The following ANKRD11 variants were observed in gnomAD, a reference collection of about 807,000 sequenced individuals.
ANKRD11 encodes ankyrin repeat domain-containing protein 11.
ANKRD11 carries 17 observed loss-of-function variants against 195.7 expected under a neutral mutation model. The observed-to-expected ratio is 0.09, with a 90% CI of 0.06 to 0.13. The LOEUF (loss-of-function observed/expected upper bound fraction) is 0.13. Among genes scored for constraint, ANKRD11 ranks in the 10% least tolerant of loss-of-function variants. The pLI, the probability that ANKRD11 is intolerant of heterozygous loss-of-function variation, is 1.00. For synonymous variants in ANKRD11, 1,953 were observed against 1,528.1 expected, an observed-to-expected ratio of 1.28 and a Z score of -6.49; for missense variants, 3,735 against 3,566.1, an observed-to-expected ratio of 1.05 and a Z score of -1.21.
intron 1 of ANKRD11, among the ~76,000 whole-genome samples, chr16:89,471,368 A>C (rs1248732353): frequency 6.6e-6 from 1 of 152,194 alleles, no homozygotes; most frequent in Non-Finnish European, 1.5e-5. Flanking sequence ...TCAGGAATTC[A>C]CGAGACGGCA....
chr16:89,401,785 G>A (rs757351136), intron 2 of ANKRD11, among the ~76,000 whole-genome samples: 7 of 152,142 alleles, frequency 4.6e-5, no homozygotes, highest in Non-Finnish European at 7.4e-5. Context: ...AGCTGTGCAC[G>A]CAGGGAGAAC....
intron 1 of ANKRD11, among the ~76,000 whole-genome samples, chr16:89,472,084 A>T (rs772680862): frequency 4.6e-5 from 7 of 152,152 alleles, no homozygotes; most frequent in Non-Finnish European, 1.0e-4. Flanking sequence ...CAGAAAGAGC[A>T]TCAGGATCAG....
intron 2 of ANKRD11, among the ~76,000 whole-genome samples, chr16:89,410,394 G>A (rs1404017787): frequency 6.6e-6 from 1 of 152,226 alleles, no homozygotes; most frequent in Non-Finnish European, 1.5e-5. Context: ...CAAGGAAATG[G>A]AGATAATAAA....
chr16:89,424,024 T>G (rs2042618267), intron 1 of ANKRD11, among the ~76,000 whole-genome samples: 1 of 150,502 alleles, frequency 6.6e-6, no homozygotes, highest in African/African-American at 2.4e-5. Context: ...CCGGGAAGAT[T>G]GTAACCCCAT....
At chr16:89,289,014 C>T in intron 6 of ANKRD11, 1 of 388,094 alleles carries the variant, frequency 2.6e-6, no homozygotes, top group Non-Finnish European at 4.8e-6. Flanking sequence ...GGCGTATGTG[C>T]CTTTGCAAAA....
intron 6 of ANKRD11, among the ~76,000 whole-genome samples, chr16:89,289,154 C>T (rs1316212379): frequency 6.6e-6 from 1 of 152,218 alleles, no homozygotes; most frequent in Non-Finnish European, 1.5e-5. Context: ...CCACCCCGGG[C>T]AGGCAGCTCC....
In ANKRD11 at chr16:89,490,550, AG is replaced by A; in HGVS notation, c.-451del. 2 of 428,720 alleles carry A rather than the reference AG, an allele frequency of 4.7e-6. No homozygotes were observed. The highest frequency in any genetic ancestry group is 8.2e-6 in the Non-Finnish European group (2 of 243,016). The allele number at this position is 428,720 out of a possible 1,614,324, so 26.6% of individuals were successfully genotyped here. On this transcript the variant is annotated 5_prime_UTR_variant, in exon 1 of 13. Coordinates refer to ENST00000301030, the MANE Select transcript of ANKRD11 (RefSeq NM_013275.6). ...CCCTCGGTCCATCGCGCACCGTCTC[AG>A]GGCGGCCTCTGGCTCCAGGACCCAG...
At chr16:89,342,164 G>C (rs1297814937) in intron 2 of ANKRD11, among the ~76,000 whole-genome samples, 1 of 152,256 alleles carries the variant, frequency 6.6e-6, no homozygotes, top group Non-Finnish European at 1.5e-5. Flanking sequence ...CTTGGCGTCT[G>C]GGCCTCAAAG....
Position 89,280,407 on chromosome 16 carries a change from G to A in ANKRD11, c.6135C>T (p.Pro2045=), listed in dbSNP as rs771427810. ...EDVKDGVDAV[P]AAISTSEAAP... ...CCGCCTCTGAGGTGGAGATGGCGGC[G>A]GGGACGGCGTCCACTCCGTCCTTGA... The change falls in exon 9 of 13, where the codon CCC becomes CCT. Residue 2045 remains proline, a synonymous_variant. Transcript: ENST00000301030. The A allele has an allele frequency of 6.4e-6, 10 of 1,561,894 alleles. No homozygotes were observed. The highest frequency in any genetic ancestry group is 3.7e-5 in the Admixed American group (2 of 54,488).
chr16:89,428,656 G>A (rs975929388), intron 1 of ANKRD11, among the ~76,000 whole-genome samples: 16 of 152,232 alleles, frequency 1.1e-4, no homozygotes, highest in African/African-American at 3.9e-4. Flanking sequence ...AGCACTTTGG[G>A]AGGCCGAAGT....
intron 1 of ANKRD11, chr16:89,418,588 G>T (rs1327426489): frequency 4.9e-6 from 1 of 202,578 alleles, no homozygotes; most frequent in East Asian, 1.3e-4. Context: ...CAACTTAAAG[G>T]TAAATCCAAA....
intron 2 of ANKRD11, among the ~76,000 whole-genome samples, chr16:89,406,335 C>G (rs908469853): frequency 6.6e-6 from 1 of 152,114 alleles, no homozygotes; most frequent in African/African-American, 2.4e-5. Flanking sequence ...CAGGTCACGG[C>G]GGGCACGGGA....
intron 2 of ANKRD11, among the ~76,000 whole-genome samples, chr16:89,415,829 C>CAAACAAAAAAAAAAAAAAAAAA (rs1343927982): frequency 2.5e-5 from 1 of 39,744 alleles, no homozygotes; most frequent in African/African-American, 9.3e-5. Flanking sequence ...GACTCTGTCT[C>CAAACAAAAAAAAAAAAAAAAAA]AAAAAAAAAA....
In ANKRD11 at chr16:89,281,783, G is replaced by A. The variant is rs1597450035; in HGVS notation, c.4759C>T (p.Leu1587=). 1.2e-6 allele frequency: 2 copies of A among 1,613,974 alleles called. No individual in the cohort carries two copies. Among genetic ancestry groups the A allele is most frequent in the East Asian group, 2.2e-5 (1 of 44,856 alleles). ...DLMMTSFERM[L]SQKDLEIEER... is the part of the protein sequence containing the mutation. ...TCGATCTCCAGGTCCTTCTGGGACA[G>A]CATCCTCTCGAAGCTGGTCATCATC... Residue 1587 remains leucine, a synonymous_variant, in exon 9 of 13, where the codon CTG becomes TTG. Transcript: ENST00000301030. The surrounding 1 kb of genome is among the most constrained non-coding windows in gnomAD (Gnocchi z 5.5).
intron 4 of ANKRD11, chr16:89,300,365 G>T: frequency 1.0e-5 from 2 of 200,352 alleles, no homozygotes; most frequent in Non-Finnish European, 1.0e-5. Flanking sequence ...ACACTGAGCT[G>T]AGGCCACTGG....
Position 89,290,731 on chromosome 16 carries a change from G to A in ANKRD11, c.495C>T (p.Asn165=), listed in dbSNP as rs757367490. The part of the protein sequence containing the change: ...SKTKDKVNKR[N]ERGETRLHRA... ...GGTGCAGGCGGGTCTCTCCACGCTC[G>A]TTTCTCTTGTTCACTTTATCTTTGG... Residue 165 remains asparagine, a synonymous_variant, in exon 6 of 13, where the codon AAC becomes AAT. Transcript: ENST00000301030. The A allele has an allele frequency of 1.3e-5, 21 of 1,613,780 alleles. No individual in the cohort carries two copies. Among genetic ancestry groups the A allele is most frequent in the East Asian group, 8.9e-5 (4 of 44,894 alleles).
chr16:89,451,763 G>A (rs2044085601), intron 1 of ANKRD11, among the ~76,000 whole-genome samples: 2 of 152,034 alleles, frequency 1.3e-5, no homozygotes, highest in African/African-American at 4.8e-5. Flanking sequence ...AAAAATCACT[G>A]AACGGCATAC....
intron 3 of ANKRD11, chr16:89,313,213 T>G: frequency 8.7e-7 from 1 of 1,150,736 alleles, no homozygotes; most frequent in Non-Finnish European, 1.1e-6. Flanking sequence ...GTGCTCTGAG[T>G]GGCGTGCATG....
intron 2 of ANKRD11, among the ~76,000 whole-genome samples, chr16:89,359,157 G>GA (rs765880066): frequency 4.0e-4 from 60 of 149,510 alleles, no homozygotes; most frequent in East Asian, 1.9e-3. Context: ...GATTCTGGAA[G>GA]AAAAAAAAAA....
Sources: gnomAD v4.1 joint callset for allele counts (sites outside exome capture counted in the v4.1 genomes callset) on GRCh38, gnomAD v4.1.1 for gene constraint, Gnocchi (gnomAD v3.1) non-coding constraint, MANE v1.5 for transcripts, NCBI Gene and HGNC (gene_info 2026-07-23, HGNC 2026-07-21) for gene names.